The following KCNMA1 variants were observed in gnomAD, a reference collection of about 807,000 sequenced individuals.
KCNMA1 encodes Calcium-activated potassium channel subunit alpha-1.
In KCNMA1, 29 loss-of-function variants were observed where a neutral mutation model predicts 140.0. The observed-to-expected ratio is 0.21, with a 90% CI of 0.15 to 0.28. The LOEUF is 0.28. Ranked by LOEUF, KCNMA1 falls within the 10% of genes least tolerant of loss-of-function variation. The pLI, the probability that KCNMA1 is intolerant of heterozygous loss-of-function variation, is 1.00. For synonymous variants in KCNMA1, 612 were observed against 611.9 expected (o/e 1.00, Z 0.00); for missense variants, 880 against 1,602.2 (o/e 0.55, Z 7.70).
At position 77,251,178 on chromosome 10, in the gene KCNMA1, T is replaced by C. The variant is rs777043451; in HGVS notation, c.602+17A>G. 4 of 1,581,674 alleles carry C rather than the reference T, an allele frequency of 2.5e-6. No individual in the cohort carries two copies. Among genetic ancestry groups the C allele is most frequent in the Non-Finnish European group, 3.5e-6 (4 of 1,150,670 alleles). On this transcript the variant is annotated intron_variant, in intron 3 of 27. Transcript: ENST00000286628. ...TGTTTATGAAACGAGGGCAAGAAAG[T>C]ATATTTGAATACTCACTTTGATGAA...
chr10:77,277,176 GAGA>G (rs2066916425), intron 2 of KCNMA1, among the ~76,000 whole-genome samples: 1 of 152,162 alleles, frequency 6.6e-6, no homozygotes. Context: ...TTCAAGGGAG[GAGA>G]AGAAGGGGTG....
chr10:77,509,068 T>C (rs2047333204), intron 1 of KCNMA1, among the ~76,000 whole-genome samples: 1 of 151,634 alleles, frequency 6.6e-6, no homozygotes, highest in Non-Finnish European at 1.5e-5. Flanking sequence ...TACCTCTTGG[T>C]TACTGTTTTT....
intron 18 of KCNMA1, among the ~76,000 whole-genome samples, chr10:77,003,308 CA>C (rs34473997): frequency 0.51 from 76,407 of 150,710 alleles, 19,472 homozygotes; most frequent in Admixed American, 0.61. Context: ...TAGCTTTTAC[CA>C]AAAAAAAATA....
chr10:76,947,995 G>T (rs61867156), intron 22 of KCNMA1, among the ~76,000 whole-genome samples: 295 of 2,444 alleles, frequency 0.12, 1 homozygote, highest in African/African-American at 0.39. Context: ...TTCCTCAGTT[G>T]TTTCTTGTTT....
chr10:77,279,220 C>T (rs1386649462), intron 2 of KCNMA1, among the ~76,000 whole-genome samples: 2 of 152,146 alleles, frequency 1.3e-5, no homozygotes, highest in Non-Finnish European at 2.9e-5. Flanking sequence ...CAACTATTTA[C>T]TTAAACATTT....
At chr10:77,392,948 CCAAG>C (rs1348865225) in intron 2 of KCNMA1, among the ~76,000 whole-genome samples, 5 of 152,216 alleles carry the variant, frequency 3.3e-5, no homozygotes, top group Non-Finnish European at 7.3e-5. Context: ...TGTTGTCCTG[CCAAG>C]GCATTTCCTG....
intron 1 of KCNMA1, chr10:77,586,415 T>C (rs182368041): frequency 8.4e-4 from 128 of 152,278 alleles, no homozygotes; most frequent in African/African-American, 2.7e-3. Context: ...TTCAGTTTCA[T>C]AGGAGCGCAG....
In KCNMA1 at chr10:77,489,582, G is replaced by A. The variant is rs543001117; in HGVS notation, c.379-85559C>T. Among the ~76,000 whole-genome samples, 528 of 152,178 alleles carry A rather than the reference G, an allele frequency of 3.5e-3. 5 individuals carry two copies. Among genetic ancestry groups the A allele is most frequent in the African/African-American group, 0.012 (479 of 41,510 alleles). ...TCGAACTCCTGACCTCAGGTGATCCGCCTGCCTCAGCCTCCCAAAGTGCTG... is the reference window on the plus strand; with the variant it reads ...TCGAACTCCTGACCTCAGGTGATCCACCTGCCTCAGCCTCCCAAAGTGCTG... On this transcript the variant is annotated intron_variant, in intron 1 of 27. Coordinates refer to ENST00000286628, the MANE Select transcript of KCNMA1 (RefSeq NM_001161352.2).
At chr10:77,241,130 G>A (rs2057155086) in intron 3 of KCNMA1, among the ~76,000 whole-genome samples, 1 of 152,034 alleles carries the variant, frequency 6.6e-6, no homozygotes, top group Admixed American at 6.5e-5. Context: ...CACATTGAAG[G>A]GGTTTAGTAT....
chr10:77,378,981 T>A (rs1211770531), intron 2 of KCNMA1, among the ~76,000 whole-genome samples: 1 of 152,220 alleles, frequency 6.6e-6, no homozygotes. Context: ...ATTTTCACTG[T>A]TCAGTTACAA....
intron 16 of KCNMA1, among the ~76,000 whole-genome samples, chr10:77,022,250 C>T (rs1312533689): frequency 6.6e-6 from 1 of 152,170 alleles, no homozygotes; most frequent in Admixed American, 6.5e-5. Context: ...TTATATAATT[C>T]ACTAGTTTAT....
chr10:77,074,095 A>G (rs1223697145), intron 13 of KCNMA1, among the ~76,000 whole-genome samples: 1 of 152,232 alleles, frequency 6.6e-6, no homozygotes, highest in Non-Finnish European at 1.5e-5. Context: ...CAAGGCTTTC[A>G]TGTCAAGTAC....
In KCNMA1 at chr10:77,451,850, T is replaced by C. The variant is rs546686991; in HGVS notation, c.379-47827A>G. 6.6e-5 allele frequency among the ~76,000 whole-genome samples: 10 copies of C among 152,282 alleles called. No individual in the cohort carries two copies. The South Asian group carries it at 1.9e-3, about 28-fold the overall frequency. On this transcript the variant is annotated intron_variant, in intron 1 of 27. Coordinates refer to ENST00000286628, the MANE Select transcript of KCNMA1 (RefSeq NM_001161352.2). ...TACAAACCTGCAGGAAACAAAAAGTTTGTGGAGAGTCACAAAACATATTTG... is the reference window on the plus strand; with the variant it reads ...TACAAACCTGCAGGAAACAAAAAGTCTGTGGAGAGTCACAAAACATATTTG...
chr10:77,404,434 C>T (rs1425269160), intron 1 of KCNMA1, among the ~76,000 whole-genome samples: 1 of 152,066 alleles, frequency 6.6e-6, no homozygotes, highest in Non-Finnish European at 1.5e-5. Flanking sequence ...GCGCGGCCAC[C>T]ATGCTCGGCT....
chr10:77,204,098 GAA>G (rs11325401), intron 3 of KCNMA1, among the ~76,000 whole-genome samples: 17 of 120,200 alleles, frequency 1.4e-4, no homozygotes, highest in Admixed American at 1.8e-4. Flanking sequence ...TCCCTCTCAG[GAA>G]AAAAAAAAAA....
intron 3 of KCNMA1, among the ~76,000 whole-genome samples, chr10:77,242,509 C>G (rs1271262628): frequency 6.6e-6 from 1 of 152,210 alleles, no homozygotes; most frequent in African/African-American, 2.4e-5. Context: ...ATCTTTTCAA[C>G]TCCTCAACCT....
chr10:77,147,039 C>T (rs2098315580), intron 5 of KCNMA1, among the ~76,000 whole-genome samples: 1 of 152,122 alleles, frequency 6.6e-6, no homozygotes, highest in South Asian at 2.1e-4. Flanking sequence ...GGAGGGAGCA[C>T]AAAAGAACGA....
chr10:77,514,614 G>A (rs1380122434), intron 1 of KCNMA1, among the ~76,000 whole-genome samples: 4 of 152,114 alleles, frequency 2.6e-5, no homozygotes, highest in Non-Finnish European at 5.9e-5. Flanking sequence ...TGTATTACTG[G>A]GTATGCGGAG....
At chr10:77,287,693 G>A (rs761659522) in intron 2 of KCNMA1, among the ~76,000 whole-genome samples, 1 of 152,176 alleles carries the variant, frequency 6.6e-6, no homozygotes, top group Admixed American at 6.5e-5. Context: ...TCCTGGCATG[G>A]GATGGGGAGT....
Sources: gnomAD v4.1 joint callset for allele counts (sites outside exome capture counted in the v4.1 genomes callset) on GRCh38, gnomAD v4.1.1 for gene constraint, MANE v1.5 for transcripts, NCBI Gene and HGNC (gene_info 2026-07-23, HGNC 2026-07-21) for gene names.